Variants in DYRK1A observed in about 807,000 individuals in gnomAD.
DYRK1A encodes dual specificity tyrosine phosphorylation regulated kinase 1A.
In DYRK1A, 9 loss-of-function variants were observed where a neutral mutation model predicts 79.7. That is an observed-to-expected ratio of 0.11 (90% CI 0.07 to 0.20). DYRK1A has a LOEUF of 0.20. Among genes scored for constraint, DYRK1A ranks in the 10% least tolerant of loss-of-function variants. The pLI is 1.00. For missense variants in DYRK1A, 622 were observed against 956.0 expected (o/e 0.65, Z 4.61); for synonymous variants, 349 against 329.7 (o/e 1.06, Z -0.63).
At chr21:37,506,501 C>T (rs2053603838) in intron 11 of DYRK1A, 1 of 929,678 alleles carries the variant, frequency 1.1e-6, no homozygotes, top group Non-Finnish European at 1.5e-6. Context: ...GCGTTTTGAG[C>T]CTCATGCTTT....
chr21:37,391,999 AC>A (rs1370745950), intron 1 of DYRK1A, among the ~76,000 whole-genome samples: 1 of 152,332 alleles, frequency 6.6e-6, no homozygotes, highest in South Asian at 2.1e-4. Flanking sequence ...CTGTCATTTA[AC>A]CCTCAAAGCA....
intron 2 of DYRK1A, among the ~76,000 whole-genome samples, chr21:37,431,504 G>A (rs942420003): frequency 1.3e-5 from 2 of 152,052 alleles, no homozygotes; most frequent in African/African-American, 4.8e-5. Context: ...GTTTCGACCG[G>A]GTGTTTGGAA....
chr21:37,404,768 G>C (rs1349253561), intron 1 of DYRK1A, among the ~76,000 whole-genome samples: 1 of 152,200 alleles, frequency 6.6e-6, no homozygotes, highest in Non-Finnish European at 1.5e-5. Context: ...AGTGGAAATA[G>C]CAGTACTAGT....
chr21:37,376,638 G>T (rs1221678533), intron 1 of DYRK1A, among the ~76,000 whole-genome samples: 1 of 152,124 alleles, frequency 6.6e-6, no homozygotes, highest in African/African-American at 2.4e-5. Context: ...GTTGGTAATG[G>T]CACTGTGGGT....
intron 1 of DYRK1A, among the ~76,000 whole-genome samples, chr21:37,413,477 A>G (rs1197680396): frequency 6.6e-6 from 1 of 152,164 alleles, no homozygotes; most frequent in Non-Finnish European, 1.5e-5. Context: ...TGCTGTCAGA[A>G]GGGAGAGAGA....
chr21:37,510,007 TG>T (rs2053705574), intron 11 of DYRK1A, among the ~76,000 whole-genome samples: 1 of 152,226 alleles, frequency 6.6e-6, no homozygotes, highest in Admixed American at 6.5e-5. Flanking sequence ...TACTTTGCTT[TG>T]TAGCCATCTA....
intron 1 of DYRK1A, among the ~76,000 whole-genome samples, chr21:37,383,663 A>G (rs1462154103): frequency 6.6e-6 from 1 of 152,194 alleles, no homozygotes; most frequent in Non-Finnish European, 1.5e-5. Flanking sequence ...TGGCTGCGAT[A>G]TGTTTTAGGT....
chr21:37,435,802 T>TAC (rs1403769939), intron 2 of DYRK1A, among the ~76,000 whole-genome samples: 1 of 152,222 alleles, frequency 6.6e-6, no homozygotes, highest in African/African-American at 2.4e-5. Context: ...ACTGCCTGTG[T>TAC]AGTCTAGCAA....
intron 1 of DYRK1A, among the ~76,000 whole-genome samples, chr21:37,391,252 A>G (rs1307065693): frequency 2.0e-5 from 3 of 152,108 alleles, no homozygotes; most frequent in East Asian, 3.9e-4. Context: ...GAATATGTGC[A>G]TGTCCTGAGC....
In DYRK1A at chr21:37,467,106, G is replaced by GA. The variant is rs5843833; in HGVS notation, c.11-5563dup. 2.6e-3 allele frequency among the ~76,000 whole-genome samples: 338 copies of GA among 130,756 alleles called. 1 individual carries two copies. Among genetic ancestry groups the GA allele is most frequent in the South Asian group, 5.5e-3 (23 of 4,180 alleles). 85.8% of individuals were successfully genotyped at this position (130,756 alleles called of 152,430 possible). On this transcript the variant is annotated intron_variant, in intron 2 of 11. Coordinates refer to ENST00000647188, the MANE Select transcript of DYRK1A (RefSeq NM_001347721.2). Reference sequence around the variant, plus strand: ...TTTGAAGTCTTTGGGATTTACAAAAGAAAAAAAAAAAAAAACAAAACAAAA... The same window carrying GA: ...TTTGAAGTCTTTGGGATTTACAAAAGAAAAAAAAAAAAAAAACAAAACAAAA...
At chr21:37,397,354 G>T (rs17814633) in intron 1 of DYRK1A, among the ~76,000 whole-genome samples, 14,204 of 152,124 alleles carry the variant, frequency 0.093, 786 homozygotes, top group Non-Finnish European at 0.11. Context: ...TAAATTATTT[G>T]GGCAAGTTGT....
chr21:37,448,931 G>A (rs752790425), intron 2 of DYRK1A, among the ~76,000 whole-genome samples: 14 of 152,072 alleles, frequency 9.2e-5, no homozygotes, highest in Non-Finnish European at 1.9e-4. Context: ...CTCCTGAGCC[G>A]AAGCAATCTG....
chr21:37,467,881 G>A (rs1246718401), intron 2 of DYRK1A, among the ~76,000 whole-genome samples: 1 of 152,078 alleles, frequency 6.6e-6, no homozygotes, highest in East Asian at 1.9e-4. Flanking sequence ...TAAGGCAAGG[G>A]AAAGAATAAG....
chr21:37,387,735 A>T (rs552540299), intron 1 of DYRK1A, among the ~76,000 whole-genome samples: 1 of 152,308 alleles, frequency 6.6e-6, no homozygotes, highest in African/African-American at 2.4e-5. Flanking sequence ...AGAAAAGGGT[A>T]CATGGGAGGC....
chr21:37,417,936 G>T (rs2050389354), intron 1 of DYRK1A, among the ~76,000 whole-genome samples: 2 of 152,168 alleles, frequency 1.3e-5, no homozygotes, highest in Middle Eastern at 3.4e-3. Flanking sequence ...TCCATAGTTT[G>T]TGAATGGCTC....
rs758888181 is a variant in DYRK1A, at chr21:37,490,355, G to A, written c.818G>A (p.Ser273Asn). Residue 273 changes from serine to asparagine, a missense_variant, in exon 7 of 12, where the codon AGT (serine) becomes AAT (asparagine). By Grantham distance (46) the Ser-to-Asn change is conservative. Around this residue, in one of 5 missense-constraint regions of DYRK1A, gnomAD observed 138 missense variants for 346.4 expected, o/e 0.40. Transcript: ENST00000647188. Reference sequence around the variant, plus strand: ...CTTTTCCTTGCGACTCCAGAACTTAGTATCATTCACTGTGATCTAAAACCT... The same window carrying A: ...CTTTTCCTTGCGACTCCAGAACTTAATATCATTCACTGTGATCTAAAACCT... ...ALLFLATPEL[S>N]IIHCDLKPEN... 20 of 1,613,586 alleles carry A rather than the reference G, an allele frequency of 1.2e-5. No individual in the cohort carries two copies. In the Admixed American group the frequency reaches 2.5e-4, roughly 20 times the overall value.
At chr21:37,408,746 A>G (rs1052935416) in intron 1 of DYRK1A, among the ~76,000 whole-genome samples, 2 of 152,210 alleles carry the variant, frequency 1.3e-5, no homozygotes, top group African/African-American at 4.8e-5. Flanking sequence ...ACAAATTTTA[A>G]CTCACATTTG....
At chr21:37,475,557 C>T (rs1468250669) in intron 3 of DYRK1A, among the ~76,000 whole-genome samples, 3 of 152,222 alleles carry the variant, frequency 2.0e-5, no homozygotes. Flanking sequence ...GGGAGTATTA[C>T]TTGCTTTGTA....
At position 37,517,510 on chromosome 21, in the gene DYRK1A, T is replaced by G. The variant is rs747486325; in HGVS notation, c.*4979T>G. On this transcript the variant is annotated 3_prime_UTR_variant, in exon 12 of 12. Coordinates refer to ENST00000647188, the MANE Select transcript of DYRK1A (RefSeq NM_001347721.2). ...TTGCTTCCATTATATACTCATTCAT[T>G]AGTCAGTGTACTTGCCCCTGAATTC... 3 of 152,194 alleles carry G rather than the reference T, an allele frequency of 2.0e-5. No homozygotes were observed. Among genetic ancestry groups the G allele is most frequent in the African/African-American group, 7.2e-5 (3 of 41,446 alleles). The allele number at this position is 152,194 out of a possible 1,614,324, so 9.4% of individuals were successfully genotyped here. A position where few individuals can be genotyped will look rare whatever the true frequency, so the allele number is the denominator to read the frequency against.
Sources: gnomAD v4.1 joint callset for allele counts (sites outside exome capture counted in the v4.1 genomes callset) on GRCh38, gnomAD v4.1.1 for gene constraint, gnomAD v4.1.1 regional missense constraint, MANE v1.5 for transcripts, NCBI Gene and HGNC (gene_info 2026-07-23, HGNC 2026-07-21) for gene names.